The following OR5V1 variants were observed in gnomAD, a reference collection of about 807,000 sequenced individuals.
The protein encoded by OR5V1 is olfactory receptor 5V1.
For synonymous variants in OR5V1, 134 were observed against 143.2 expected (o/e 0.94, Z 0.46); for missense variants, 365 against 371.5 (o/e 0.98, Z 0.14).
In OR5V1 at chr6:29,355,889, C is replaced by G. The variant is rs189160951; in HGVS notation, c.307G>C (p.Ala103Pro). 7.4e-6 allele frequency: 12 copies of G among 1,613,968 alleles called. No individual in the cohort carries two copies. Among genetic ancestry groups the G allele is most frequent in the Admixed American group, 1.7e-5 (1 of 59,960 alleles). ...TCTGATCCTACAAAGAAAACAAATG[C>G]AAAAAGTTGAACCACACACCCCACA... is the stretch of plus-strand genomic sequence containing the variant. Reference protein sequence around the residue: ...SYVGCVVQLFAFVFFVGSECL... With the variant: ...SYVGCVVQLFPFVFFVGSECL... The change falls in exon 2 of 2, where the codon GCA becomes CCA. Residue 103 changes from alanine to proline, a missense_variant. Physicochemically the swap from Ala to Pro is conservative, Grantham distance 27 (BLOSUM62 -1). Transcript: ENST00000641768.
At position 29,355,207 on chromosome 6, in the gene OR5V1, T is replaced by C. The variant is rs752224511; in HGVS notation, c.*23A>G. 1 of 1,541,924 alleles carries C rather than the reference T, an allele frequency of 6.5e-7. No individual in the cohort carries two copies. Among genetic ancestry groups the C allele is most frequent in the Middle Eastern group, 1.8e-4 (1 of 5,572 alleles). On this transcript the variant is annotated 3_prime_UTR_variant, in exon 2 of 2. Transcript: ENST00000641768. ...TGGTGAAAAAGTTAATTTTGTAGTA[T>C]AAGATTATTGAACCTGTGAGGTTCA...
At chr6:29,359,805 C>T (rs1187804246) in intron 1 of OR5V1, among the ~76,000 whole-genome samples, 1 of 152,324 alleles carries the variant, frequency 6.6e-6, no homozygotes, top group Non-Finnish European at 1.5e-5. Flanking sequence ...CTCTCATGTG[C>T]CTACACCACC....
intron 1 of OR5V1, among the ~76,000 whole-genome samples, chr6:29,359,618 G>GT (rs904690701): frequency 7.2e-5 from 11 of 152,214 alleles, no homozygotes; most frequent in African/African-American, 2.7e-4. Flanking sequence ...TACCAGTTAG[G>GT]TAACTGGTTA....
chr6:29,358,987 T>C (rs1262528406), intron 1 of OR5V1, among the ~76,000 whole-genome samples: 3 of 152,200 alleles, frequency 2.0e-5, no homozygotes, highest in Non-Finnish European at 4.4e-5. Context: ...GTGGCAGATA[T>C]GTTATTTAGC....
At position 29,355,451 on chromosome 6, in the gene OR5V1, A is replaced by G. The variant is rs1201787325; in HGVS notation, c.745T>C (p.Phe249Leu). ...AAGATGGCGCTGCCATAAAAGAGAA[A>G]GACAATGGCCAGGTGGGAGGCACAT... ...STCASHLAIV[F>L]LFYGSAIFTY... Residue 249 changes from phenylalanine (F) to leucine (L), a missense_variant, in exon 2 of 2, where the codon TTT becomes CTT. Transcript: ENST00000641768. 1.2e-6 allele frequency: 2 copies of G among 1,613,922 alleles called. No homozygotes were observed. The highest frequency in any genetic ancestry group is 1.7e-6 in the Non-Finnish European group (2 of 1,179,938).
At position 29,355,691 on chromosome 6, in the gene OR5V1, A is replaced by G; in HGVS notation, c.505T>C (p.Cys169Arg). 6.2e-7 allele frequency: 1 copy of G among 1,614,080 alleles called. No homozygotes were observed. The highest frequency in any genetic ancestry group is 2.2e-5 in the East Asian group (1 of 44,882). The change falls in exon 2 of 2, where the codon TGT becomes CGT. Residue 169 changes from cysteine to arginine, a missense_variant. By Grantham distance (180) the Cys-to-Arg change is radical. Coordinates refer to ENST00000641768, the MANE Select transcript of OR5V1 (RefSeq NM_030876.6). ...HTVLTFCLPF[C>R]GNNQINYFFC... is the part of the protein sequence containing the mutation. ...AAGTAATTAATCTGATTGTTGCCAC[A>G]GAAGGGCAGGCAGAATGTCAACACT... is the stretch of plus-strand genomic sequence containing the variant.
chr6:29,361,471 A>T (rs1778563274), intron 1 of OR5V1, among the ~76,000 whole-genome samples: 2 of 152,134 alleles, frequency 1.3e-5, no homozygotes, highest in Non-Finnish European at 2.9e-5. Flanking sequence ...ACCCCAAGAC[A>T]CATAATCATC....
At position 29,356,268 on chromosome 6, in the gene OR5V1, A is replaced by G. The variant is rs762999822; in HGVS notation, c.-73T>C. 32 of 1,476,476 alleles carry G rather than the reference A, an allele frequency of 2.2e-5. No homozygotes were observed. The highest frequency in any genetic ancestry group is 2.9e-5 in the Non-Finnish European group (32 of 1,102,322). 91.5% of individuals were successfully genotyped at this position (1,476,476 alleles called of 1,614,324 possible). On this transcript the variant is annotated 5_prime_UTR_variant, in exon 2 of 2. Transcript: ENST00000641768. ...TTATAAAAATGAATCATATGCTGCA[A>G]TAGCATGACCTGAAAAATAAGGGAA...
At chr6:29,361,972 T>C (rs1179847244) in intron 1 of OR5V1, among the ~76,000 whole-genome samples, 1 of 152,038 alleles carries the variant, frequency 6.6e-6, no homozygotes, top group East Asian at 1.9e-4. Context: ...AATGTCCCAA[T>C]TAAAAGACAC....
chr6:29,367,059 C>T (rs1360837618), intron 1 of OR5V1, among the ~76,000 whole-genome samples: 4 of 152,102 alleles, frequency 2.6e-5, no homozygotes, highest in African/African-American at 9.7e-5. Flanking sequence ...ATAACTTAAA[C>T]AATAATGTAT....
In OR5V1 at chr6:29,355,233, A is replaced by G. The variant is rs1271435122; in HGVS notation, c.963T>C (p.Tyr321=). 13 of 1,579,654 alleles carry G rather than the reference A, an allele frequency of 8.2e-6. No homozygotes were observed. Among genetic ancestry groups the G allele is most frequent in the East Asian group, 2.2e-5 (1 of 44,702 alleles). ...PISSLDSKLT[Y] The stretch of plus-strand genomic sequence containing the variant: ...AAGATTATTGAACCTGTGAGGTTCA[A>G]TAAGTGAGTTTACTATCCAAAGAGG... Residue 321 remains tyrosine (Y), a synonymous_variant, in exon 2 of 2, where the codon TAT becomes TAC. Coordinates refer to ENST00000641768, the MANE Select transcript of OR5V1 (RefSeq NM_030876.6).
In OR5V1 at chr6:29,356,252, T is replaced by C; in HGVS notation, c.-57A>G. 1 of 1,515,344 alleles carries C rather than the reference T, an allele frequency of 6.6e-7. No homozygotes were observed. The highest frequency in any genetic ancestry group is 1.4e-5 in the South Asian group (1 of 73,480). The allele number at this position is 1,515,344 out of a possible 1,614,324, so 93.9% of individuals were successfully genotyped here. On this transcript the variant is annotated 5_prime_UTR_variant, in exon 2 of 2. Coordinates refer to ENST00000641768, the MANE Select transcript of OR5V1 (RefSeq NM_030876.6). ...CAAAGAGAAGACCAGATTATAAAAA[T>C]GAATCATATGCTGCAATAGCATGAC...
At chr6:29,367,362 A>G (rs992294557) in intron 1 of OR5V1, among the ~76,000 whole-genome samples, 1 of 152,170 alleles carries the variant, frequency 6.6e-6, no homozygotes, top group Non-Finnish European at 1.5e-5. Flanking sequence ...ATAATATCTT[A>G]TGGTGCATAT....
At chr6:29,366,639 G>GAAAT (rs35343439) in intron 1 of OR5V1, among the ~76,000 whole-genome samples, 1 of 151,874 alleles carries the variant, frequency 6.6e-6, no homozygotes, top group Non-Finnish European at 1.5e-5. Flanking sequence ...CATAAAAGTA[G>GAAAT]AAATTCAAGG....
chr6:29,359,669 T>C (rs1239925474), intron 1 of OR5V1, among the ~76,000 whole-genome samples: 1 of 152,138 alleles, frequency 6.6e-6, no homozygotes, highest in Admixed American at 6.5e-5. Flanking sequence ...AGAAGCATGG[T>C]GTGGCATCGC....
intron 1 of OR5V1, among the ~76,000 whole-genome samples, chr6:29,358,970 A>G (rs963763713): frequency 7.2e-5 from 11 of 152,332 alleles, no homozygotes; most frequent in African/African-American, 2.6e-4. Flanking sequence ...AATGATAAGT[A>G]TGTGAGGTGG....
chr6:29,356,166 A>G lies in OR5V1; in HGVS notation c.30T>C (p.Thr10=). Residue 10 remains threonine (T), a synonymous_variant, in exon 2 of 2, where the codon ACT becomes ACC. Coordinates refer to ENST00000641768, the MANE Select transcript of OR5V1 (RefSeq NM_030876.6). The part of the protein sequence containing the change: MERKNQTAI[T]EFIILGFSNL... ...TGGAGAATCCCAAGATGATGAATTC[A>G]GTTATAGCTGTTTGATTCTTTCTTT... The G allele has an allele frequency of 1.3e-6, 2 of 1,590,224 alleles. No homozygotes were observed. The highest frequency in any genetic ancestry group is 1.7e-6 in the Non-Finnish European group (2 of 1,171,558).
intron 1 of OR5V1, among the ~76,000 whole-genome samples, chr6:29,363,422 A>G (rs555294162): frequency 2.0e-5 from 3 of 152,336 alleles, no homozygotes; most frequent in African/African-American, 7.2e-5. Context: ...ACAATAAAAA[A>G]GAGGGACTCC....
At chr6:29,368,369 C>T (rs1582391629) in intron 1 of OR5V1, among the ~76,000 whole-genome samples, 1 of 152,082 alleles carries the variant, frequency 6.6e-6, no homozygotes, top group Admixed American at 6.6e-5. Flanking sequence ...AATAAAAAAT[C>T]GGCAAACCAG....
Sources: gnomAD v4.1 joint callset for allele counts (sites outside exome capture counted in the v4.1 genomes callset) on GRCh38, gnomAD v4.1.1 for gene constraint, MANE v1.5 for transcripts, NCBI Gene and HGNC (gene_info 2026-07-23, HGNC 2026-07-21) for gene names.